CHD6: variants seen among roughly 807,000 people sequenced by gnomAD.
CHD6 encodes the protein ATP-dependent chromatin remodeler CHD6.
Under a neutral mutation model 276.9 loss-of-function variants are expected in CHD6, and 50 were observed. The observed-to-expected ratio is 0.18, with a 90% confidence interval of 0.14 to 0.23. The LOEUF (loss-of-function observed/expected upper bound fraction) is 0.23. Among genes scored for constraint, CHD6 ranks in the 10% least tolerant of loss-of-function variants. The pLI is 1.00. For missense variants in CHD6, 2,564 were observed against 3,365.8 expected, an observed-to-expected ratio of 0.76 and a Z score of 5.89; for synonymous variants, 1,173 against 1,229.3, an observed-to-expected ratio of 0.95 and a Z score of 0.96.
At chr20:41,488,951 C>A (rs1000772916) in intron 12 of CHD6, among the ~76,000 whole-genome samples, 6 of 152,202 alleles carry the variant, frequency 3.9e-5, no homozygotes, top group Non-Finnish European at 7.3e-5. Flanking sequence ...TCCATCTAAA[C>A]CATGCATAGT....
In CHD6 at chr20:41,546,578, T is replaced by C. The variant is rs549691420; in HGVS notation, c.33+4727A>G. On this transcript the variant is annotated intron_variant, in intron 2 of 36. Coordinates refer to ENST00000373233, the MANE Select transcript of CHD6 (RefSeq NM_032221.5). ...AGGAGCTGAGATGAATAAAAATCAA[T>C]ATTCCTATATCATTGTTTCGTTGTT... is the stretch of plus-strand genomic sequence containing the variant. Among the ~76,000 whole-genome samples the C allele has an allele frequency of 5.9e-5, 9 of 152,334 alleles. No homozygotes were observed. The South Asian group carries it at 1.0e-3, about 18-fold the overall frequency.
At chr20:41,543,457 T>C (rs988053812) in intron 2 of CHD6, among the ~76,000 whole-genome samples, 3 of 152,202 alleles carry the variant, frequency 2.0e-5, no homozygotes, top group East Asian at 1.9e-4. Flanking sequence ...CCAACACACC[T>C]GTATCTCTCC....
At chr20:41,456,012 G>A (rs774763018) in intron 18 of CHD6, 33 bp from the exon 19 acceptor site, 31 of 1,473,886 alleles carry the variant, frequency 2.1e-5, no homozygotes, top group Non-Finnish European at 2.6e-5. Flanking sequence ...CTCACAAAGT[G>A]GAAAATGTAT....
Position 41,425,378 on chromosome 20 carries a change from G to C in CHD6, c.4146C>G (p.Asp1382Glu). The change falls in exon 29 of 37, where the codon GAC becomes GAG. Residue 1382 changes from aspartate to glutamate, a missense_variant. Physicochemically the swap from Asp to Glu is conservative, Grantham distance 45. Coordinates refer to ENST00000373233, the MANE Select transcript of CHD6 (RefSeq NM_032221.5). ...AAACTGGCCAGGGCGATTTGTCTGG[G>C]TCGGAGCCATCCTGGGCTTCAAACA... ...DDSRAAQDGS[D>E]PDKSPWPVSS... 1 of 1,613,972 alleles carries C rather than the reference G, an allele frequency of 6.2e-7. No individual in the cohort carries two copies. Among genetic ancestry groups the C allele is most frequent in the African/African-American group, 1.3e-5 (1 of 75,050 alleles).
At chr20:41,616,591 T>C (rs1207148283) in intron 1 of CHD6, among the ~76,000 whole-genome samples, 2 of 152,346 alleles carry the variant, frequency 1.3e-5, no homozygotes, top group African/African-American at 4.8e-5. Flanking sequence ...AAAGAACTTA[T>C]AATTCATCTA....
intron 5 of CHD6, among the ~76,000 whole-genome samples, chr20:41,504,717 T>A (rs973558651): frequency 9.9e-5 from 15 of 152,208 alleles, no homozygotes; most frequent in Non-Finnish European, 2.9e-5. Context: ...GCGCCCTCTA[T>A]TTTCTTTAAC....
intron 1 of CHD6, among the ~76,000 whole-genome samples, chr20:41,613,415 G>A (rs1248634949): frequency 1.3e-5 from 2 of 152,334 alleles, no homozygotes; most frequent in African/African-American, 4.8e-5. Flanking sequence ...AAGAGAGGCT[G>A]AGGACCCTCT....
At chr20:41,494,040 C>G (rs2043618677) in intron 8 of CHD6, 96 bp from the exon 9 acceptor site, 5 of 777,804 alleles carry the variant, frequency 6.4e-6, no homozygotes, top group Non-Finnish European at 1.1e-5. Context: ...ACTCTAGGCC[C>G]TATCAACAAA....
At chr20:41,406,824 AG>A (rs1293330205) in intron 36 of CHD6, among the ~76,000 whole-genome samples, 3 of 152,220 alleles carry the variant, frequency 2.0e-5, no homozygotes, top group African/African-American at 7.2e-5. Context: ...GTATTAAAAA[AG>A]GTGAACTGTA....
chr20:41,511,657 GTCC>G (rs1351572604), intron 5 of CHD6, among the ~76,000 whole-genome samples: 1 of 152,108 alleles, frequency 6.6e-6, no homozygotes. Flanking sequence ...CTATCTCTCA[GTCC>G]TCCTCTCTCA....
At chr20:41,415,083 A>G (rs2046952060) in intron 34 of CHD6, 103 bp downstream of exon 34, 1 of 1,492,406 alleles carries the variant, frequency 6.7e-7, no homozygotes, top group African/African-American at 1.4e-5. Flanking sequence ...GACAACCGAA[A>G]TAGAGATAAA....
chr20:41,579,172 C>T (rs1167799124), intron 1 of CHD6, among the ~76,000 whole-genome samples: 1 of 145,920 alleles, frequency 6.9e-6, no homozygotes, highest in African/African-American at 2.6e-5. Flanking sequence ...TGTGGTGACT[C>T]ACGCCTGTAA....
At chr20:41,580,499 T>A (rs1234260752) in intron 1 of CHD6, among the ~76,000 whole-genome samples, 1 of 150,734 alleles carries the variant, frequency 6.6e-6, no homozygotes, top group Non-Finnish European at 1.5e-5. Context: ...TAAAAAAAAA[T>A]AAAAAATTAG....
intron 33 of CHD6, 105 bp downstream of exon 33, chr20:41,416,483 C>T (rs1045973133): frequency 8.4e-6 from 9 of 1,066,930 alleles, no homozygotes; most frequent in Admixed American, 4.8e-5. Flanking sequence ...CAAAAAAAAA[C>T]CCCTATCCAC....
At chr20:41,542,648 G>A (rs530210136) in intron 2 of CHD6, among the ~76,000 whole-genome samples, 2 of 151,930 alleles carry the variant, frequency 1.3e-5, no homozygotes, top group South Asian at 2.1e-4. Context: ...AGCCGAGATC[G>A]CACCACTGCA....
intron 17 of CHD6, among the ~76,000 whole-genome samples, chr20:41,468,379 G>A: frequency 6.6e-6 from 1 of 151,970 alleles, no homozygotes; most frequent in East Asian, 1.9e-4. Context: ...CAAAGTGCTG[G>A]GATTACAGGC....
At chr20:41,459,069 T>G (rs929158509) in intron 17 of CHD6, among the ~76,000 whole-genome samples, 1 of 152,064 alleles carries the variant, frequency 6.6e-6, no homozygotes, top group Non-Finnish European at 1.5e-5. Flanking sequence ...TGAGTTGGAT[T>G]TGAAGTTACT....
At chr20:41,502,273 T>G (rs571917518) in intron 5 of CHD6, among the ~76,000 whole-genome samples, 4 of 152,352 alleles carry the variant, frequency 2.6e-5, no homozygotes, top group African/African-American at 9.6e-5. Context: ...CAAGTAATTT[T>G]AATATATTTC....
chr20:41,553,446 C>A (rs1185838142), intron 1 of CHD6, among the ~76,000 whole-genome samples: 1 of 152,244 alleles, frequency 6.6e-6, no homozygotes, highest in Non-Finnish European at 1.5e-5. Flanking sequence ...TATGCCCATT[C>A]CTTATTTGGA....
Sources: gnomAD v4.1 joint callset for allele counts (sites outside exome capture counted in the v4.1 genomes callset) on GRCh38, gnomAD v4.1.1 for gene constraint, MANE v1.5 for transcripts, NCBI Gene and HGNC (gene_info 2026-07-23, HGNC 2026-07-21) for gene names.